Variants in DPYSL2 observed in about 807,000 individuals in gnomAD.
The protein encoded by DPYSL2 is dihydropyrimidinase-related protein 2.
In DPYSL2, 13 loss-of-function variants were observed where a neutral mutation model predicts 69.9. That is an observed-to-expected ratio of 0.19 (90% confidence interval 0.12 to 0.30). The LOEUF is 0.30. DPYSL2 is among the 10% of genes least tolerant of loss of function. The pLI, the probability that DPYSL2 is intolerant of heterozygous loss-of-function variation, is 1.00. For missense variants in DPYSL2, 587 were observed against 918.9 expected (o/e 0.64, Z 4.67); for synonymous variants, 326 against 359.1 (o/e 0.91, Z 1.04).
Position 26,562,500 on chromosome 8 carries a change from G to C in DPYSL2, c.355-19469G>C, listed in dbSNP as rs1401325221. 6.6e-6 allele frequency among the ~76,000 whole-genome samples: 1 copy of C among 152,078 alleles called. No homozygotes were observed. The highest frequency in any genetic ancestry group is 1.5e-5 in the Non-Finnish European group (1 of 68,024). ...TTGACCCTTGCACCACCACACTACA[G>C]CTGGAATAATATATAAAAAGTATTG... On this transcript the variant is annotated intron_variant, in intron 1 of 13. Transcript: ENST00000521913. This position sits in a 1 kb window ranked among gnomAD's most constrained non-coding sequence, Gnocchi z 4.9.
intron 8 of DPYSL2, among the ~76,000 whole-genome samples, chr8:26,635,730 C>T (rs9644116): frequency 0.64 from 96,780 of 151,950 alleles, 32,925 homozygotes; most frequent in Non-Finnish European, 0.76. Flanking sequence ...TCCCCTTTGC[C>T]TGTTGGGATC....
intron 1 of DPYSL2, among the ~76,000 whole-genome samples, chr8:26,536,891 G>A (rs1219768073): frequency 6.6e-6 from 1 of 152,214 alleles, no homozygotes; most frequent in African/African-American, 2.4e-5. Flanking sequence ...AAGGCAGTGA[G>A]AGAATGGTGA....
At chr8:26,630,214 C>G (rs1802736849) in intron 7 of DPYSL2, among the ~76,000 whole-genome samples, 1 of 152,372 alleles carries the variant, frequency 6.6e-6, no homozygotes, top group African/African-American at 2.4e-5. Flanking sequence ...TCCCCCTTTG[C>G]AGACACCGCA....
chr8:26,633,318 C>T (rs548724983), intron 7 of DPYSL2, among the ~76,000 whole-genome samples: 1 of 149,918 alleles, frequency 6.7e-6, no homozygotes, highest in South Asian at 2.1e-4. Flanking sequence ...CAGTGATGTT[C>T]TGAGATCTGC....
intron 1 of DPYSL2, among the ~76,000 whole-genome samples, chr8:26,546,691 G>T (rs1899497): frequency 6.6e-6 from 1 of 151,158 alleles, no homozygotes; most frequent in Admixed American, 6.6e-5. Flanking sequence ...AGGCCGAGAC[G>T]GGTGGATCAC....
chr8:26,531,895 C>T (rs1800515288), intron 1 of DPYSL2, among the ~76,000 whole-genome samples: 1 of 151,466 alleles, frequency 6.6e-6, no homozygotes, highest in Non-Finnish European at 1.5e-5. Flanking sequence ...GTGGCAGCTG[C>T]CATGTGCTGT....
chr8:26,552,955 A>T (rs1800893330), intron 1 of DPYSL2, among the ~76,000 whole-genome samples: 1 of 152,212 alleles, frequency 6.6e-6, no homozygotes, highest in Non-Finnish European at 1.5e-5. Context: ...TACTAATATC[A>T]GAAATGAAAG....
intron 3 of DPYSL2, among the ~76,000 whole-genome samples, chr8:26,611,836 C>T (rs541243254): frequency 2.0e-5 from 3 of 152,164 alleles, no homozygotes; most frequent in Admixed American, 6.5e-5. Context: ...TCCCTGGACC[C>T]GGAAAGAGGG....
intron 3 of DPYSL2, among the ~76,000 whole-genome samples, chr8:26,596,681 C>T (rs1339514870): frequency 1.3e-5 from 2 of 152,224 alleles, no homozygotes; most frequent in African/African-American, 4.8e-5. Context: ...TAGGCTTATC[C>T]TCCTGTTATA....
rs779447996 is a variant in DPYSL2 at position 26,605,857 on chromosome 8, T to C, written c.629-18286T>C. On this transcript the variant is annotated intron_variant, in intron 3 of 13. Coordinates refer to ENST00000521913, the MANE Select transcript of DPYSL2 (RefSeq NM_001197293.3). This position sits in a 1 kb window ranked among gnomAD's most constrained non-coding sequence, Gnocchi z 4.1. ...TAGTGAACAGAAAAACCCAATACTG[T>C]AAAGAAGTGTATACTTTAGATTAAT... Among the ~76,000 whole-genome samples the C allele has an allele frequency of 7.9e-5, 12 of 152,190 alleles. No homozygotes were observed. The highest frequency in any genetic ancestry group is 3.3e-4 in the Admixed American group (5 of 15,276).
At position 26,562,568 on chromosome 8, in the gene DPYSL2, G is replaced by A. The variant is rs990362679; in HGVS notation, c.355-19401G>A. 1.3e-5 allele frequency among the ~76,000 whole-genome samples: 2 copies of A among 152,128 alleles called. No homozygotes were observed. The highest frequency in any genetic ancestry group is 2.9e-5 in the Non-Finnish European group (2 of 68,038). ...CCGATTAGAATGCTTAAATGGTTTC[G>A]TTTTAAAGACAGAATAAAATCCGAA... On this transcript the variant is annotated intron_variant, in intron 1 of 13. Transcript: ENST00000521913. The surrounding 1 kb of genome is among the most constrained non-coding windows in gnomAD (Gnocchi z 4.9).
At chr8:26,537,216 G>A (rs762085782) in intron 1 of DPYSL2, among the ~76,000 whole-genome samples, 1 of 151,962 alleles carries the variant, frequency 6.6e-6, no homozygotes, top group Non-Finnish European at 1.5e-5. Flanking sequence ...TAAATATTTG[G>A]GTAATGAAAT....
At chr8:26,596,730 G>A (rs1801869931) in intron 3 of DPYSL2, among the ~76,000 whole-genome samples, 1 of 152,236 alleles carries the variant, frequency 6.6e-6, no homozygotes, top group Admixed American at 6.5e-5. Context: ...GAAATGACTT[G>A]CCTGAAGCCA....
intron 11 of DPYSL2, among the ~76,000 whole-genome samples, chr8:26,649,239 G>C (rs1056282851): frequency 2.6e-5 from 4 of 152,244 alleles, no homozygotes; most frequent in Admixed American, 2.6e-4. Flanking sequence ...ACCCAAAATT[G>C]TTCAGGACTC....
At chr8:26,578,944 C>T (rs1203605498) in intron 1 of DPYSL2, among the ~76,000 whole-genome samples, 1 of 83,804 alleles carries the variant, frequency 1.2e-5, no homozygotes, top group Non-Finnish European at 2.6e-5. Flanking sequence ...GGCCAGGAAC[C>T]GGTTTTGGGT....
chr8:26,633,523 A>C (rs1025493804), intron 7 of DPYSL2, among the ~76,000 whole-genome samples: 1 of 152,166 alleles, frequency 6.6e-6, no homozygotes, highest in Admixed American at 6.5e-5. Flanking sequence ...TCTGGAGTGC[A>C]GTGGCGCCAT....
intron 1 of DPYSL2, among the ~76,000 whole-genome samples, chr8:26,538,044 T>C (rs1193923396): frequency 6.6e-6 from 1 of 152,216 alleles, no homozygotes; most frequent in African/African-American, 2.4e-5. Flanking sequence ...CATGACTATA[T>C]CTGAAGCAAT....
In DPYSL2 at chr8:26,614,326, C is replaced by T. The variant is rs1195557620; in HGVS notation, c.629-9817C>T. 6.6e-6 allele frequency among the ~76,000 whole-genome samples: 1 copy of T among 151,848 alleles called. No homozygotes were observed. The highest frequency in any genetic ancestry group is 2.4e-5 in the African/African-American group (1 of 41,320). On this transcript the variant is annotated intron_variant, in intron 3 of 13. Transcript: ENST00000521913. This position sits in a 1 kb window ranked among gnomAD's most constrained non-coding sequence, Gnocchi z 4.9. Reference sequence around the variant, plus strand: ...AGGATGGGGGCCAGTGTGCAGTGGGCCAAGAGGGAATGGGAGCGAGAAGGT... The same window carrying T: ...AGGATGGGGGCCAGTGTGCAGTGGGTCAAGAGGGAATGGGAGCGAGAAGGT...
chr8:26,541,483 A>AAC (rs1386193501), intron 1 of DPYSL2, among the ~76,000 whole-genome samples: 1 of 152,194 alleles, frequency 6.6e-6, no homozygotes, highest in Non-Finnish European at 1.5e-5. Flanking sequence ...CCTAAACAGC[A>AAC]ACACACACAC....
Sources: allele counts gnomAD v4.1 joint callset (sites outside exome capture counted in the v4.1 genomes callset), GRCh38; gene constraint gnomAD v4.1.1; non-coding constraint Gnocchi (gnomAD v3.1); transcripts MANE v1.5; gene names NCBI Gene and HGNC (gene_info 2026-07-23, HGNC 2026-07-21).